Variants in MLXIP observed in about 807,000 individuals in gnomAD.
The protein encoded by MLXIP is MLX-interacting protein.
A neutral mutation model predicts 87.2 loss-of-function variants in MLXIP; 30 were observed. That is an observed-to-expected ratio of 0.34 (90% confidence interval 0.26 to 0.47). MLXIP has a LOEUF of 0.47. MLXIP is among the 20% of genes least tolerant of loss of function. MLXIP has a pLI of 1.00. For synonymous variants in MLXIP, 530 were observed against 514.0 expected (o/e 1.03, Z -0.42); for missense variants, 1,002 against 1,240.1 (o/e 0.81, Z 2.88).
intron 1 of MLXIP, among the ~76,000 whole-genome samples, chr12:122,106,667 T>C (rs1468326769): frequency 7.0e-6 from 1 of 143,622 alleles, no homozygotes; most frequent in East Asian, 2.1e-4. Flanking sequence ...AGTGGCGCGA[T>C]CTCGGCTCAC....
chr12:122,136,829 C>A (rs1953102064), intron 11 of MLXIP: 1 of 152,168 alleles, frequency 6.6e-6, no homozygotes, highest in South Asian at 2.1e-4. Context: ...GAGTCAGGCC[C>A]CTCAAATAAT....
In MLXIP at chr12:122,133,308, AC is replaced by A. The variant is rs767394277; in HGVS notation, c.1093-36del. 7 of 1,521,812 alleles carry A rather than the reference AC, an allele frequency of 4.6e-6. No individual in the cohort carries two copies. Among genetic ancestry groups the A allele is most frequent in the Non-Finnish European group, 5.3e-6 (6 of 1,136,230 alleles). The allele number at this position is 1,521,812 out of a possible 1,614,324, so 94.3% of individuals were successfully genotyped here. ...TGCAGCGCTAGAAAGGAATTGTCTGACCCCAGCATTGCTTCCTGGCTCCTTT... is the reference window on the plus strand; with the variant it reads ...TGCAGCGCTAGAAAGGAATTGTCTGACCCAGCATTGCTTCCTGGCTCCTTT... On this transcript the variant is annotated intron_variant, in intron 8 of 16. Coordinates refer to ENST00000319080, the MANE Select transcript of MLXIP (RefSeq NM_014938.6). This position sits in a 1 kb window ranked among gnomAD's most constrained non-coding sequence, Gnocchi z 4.9.
At chr12:122,080,070 C>G (rs940028107) in intron 1 of MLXIP, among the ~76,000 whole-genome samples, 8 of 152,234 alleles carry the variant, frequency 5.3e-5, no homozygotes, top group African/African-American at 1.9e-4. Flanking sequence ...AGAGATTCCT[C>G]TTTTCCAAGT....
intron 1 of MLXIP, among the ~76,000 whole-genome samples, chr12:122,125,029 G>A (rs1004874399): frequency 2.6e-5 from 4 of 152,222 alleles, no homozygotes; most frequent in Non-Finnish European, 4.4e-5. Flanking sequence ...AGCTGGGTGT[G>A]GTGGCGCATG....
intron 1 of MLXIP, among the ~76,000 whole-genome samples, chr12:122,092,247 C>A (rs1200582951): frequency 6.6e-6 from 1 of 152,034 alleles, no homozygotes; most frequent in African/African-American, 2.4e-5. Flanking sequence ...ACAAGGCATG[C>A]AGCACCATGC....
chr12:122,095,599 C>T (rs1352714742), intron 1 of MLXIP, among the ~76,000 whole-genome samples: 1 of 151,886 alleles, frequency 6.6e-6, no homozygotes, highest in Non-Finnish European at 1.5e-5. Context: ...TTCAGGCCTC[C>T]TTCCAGATTT....
Position 122,118,573 on chromosome 12 carries a change from CG to C in MLXIP, c.414-8682del, listed in dbSNP as rs201446726. Among the ~76,000 whole-genome samples the C allele has an allele frequency of 3.9e-3, 600 of 152,268 alleles. 3 individuals carry two copies. The highest frequency in any genetic ancestry group is 4.1e-3 in the Non-Finnish European group (279 of 68,022). ...TAAACGGTAGCCATACCAGGCCGGG[CG>C]CAGTGGCTCACGCCTATAATCCCAG... On this transcript the variant is annotated intron_variant, in intron 1 of 16. Transcript: ENST00000319080.
chr12:122,141,589 C>G (rs2135996914), intron 16 of MLXIP, 102 bp from the exon 17 acceptor site: 1 of 1,529,854 alleles, frequency 6.5e-7, no homozygotes, highest in African/African-American at 1.4e-5. Context: ...GCTGCTCGCC[C>G]CGTGCCTGAG....
In MLXIP at chr12:122,138,586, C is replaced by G. The variant is rs760911436; in HGVS notation, c.2384+35C>G. 6 of 1,590,402 alleles carry G rather than the reference C, an allele frequency of 3.8e-6. No individual in the cohort carries two copies. In the South Asian group the frequency reaches 5.7e-5, roughly 15 times the overall value. On this transcript the variant is annotated intron_variant, in intron 14 of 16. Coordinates refer to ENST00000319080, the MANE Select transcript of MLXIP (RefSeq NM_014938.6). ...TGGGCCTTGGGGCTCCAACCAGGCA[C>G]CCCATCCCGATGCAGGGCCTGCCTC...
intron 16 of MLXIP, 53 bp downstream of exon 16, chr12:122,141,136 A>G: frequency 6.4e-7 from 1 of 1,562,348 alleles, no homozygotes; most frequent in Non-Finnish European, 8.6e-7. Flanking sequence ...TGGAGGGAGG[A>G]CAGCCCCAGG....
chr12:122,106,012 A>G (rs1471976515), intron 1 of MLXIP, among the ~76,000 whole-genome samples: 1 of 152,164 alleles, frequency 6.6e-6, no homozygotes, highest in Non-Finnish European at 1.5e-5. Flanking sequence ...TTCTTTTTCA[A>G]GGATTTGCCT....
At chr12:122,120,530 T>C (rs1952761624) in intron 1 of MLXIP, among the ~76,000 whole-genome samples, 1 of 152,218 alleles carries the variant, frequency 6.6e-6, no homozygotes, top group South Asian at 2.1e-4. Context: ...TGGTGCTGGT[T>C]ATAAAACATT....
At chr12:122,129,067 C>T in intron 3 of MLXIP, 70 bp from the exon 4 acceptor site, 1 of 1,285,990 alleles carries the variant, frequency 7.8e-7, no homozygotes, top group Non-Finnish European at 1.1e-6. Flanking sequence ...GCCGGATACT[C>T]AGTACACCAG....
chr12:122,087,095 C>T (rs543387083), intron 1 of MLXIP, among the ~76,000 whole-genome samples: 197 of 152,262 alleles, frequency 1.3e-3, no homozygotes, highest in African/African-American at 4.5e-3. Context: ...TTGAATTAGC[C>T]CCATGAGGGC....
chr12:122,138,311 C>T lies in MLXIP; in HGVS notation c.2256+16C>T, dbSNP rs941481597. The stretch of plus-strand genomic sequence containing the variant: ...TTCCAAGCTGGTGAGTTGCCAAGAG[C>T]GTGGGCTGTGGCAGGGCAGGGGAGC... On this transcript the variant is annotated intron_variant, in intron 13 of 16. Coordinates refer to ENST00000319080, the MANE Select transcript of MLXIP (RefSeq NM_014938.6). The T allele has an allele frequency of 1.2e-6, 2 of 1,613,458 alleles. No individual in the cohort carries two copies. The highest frequency in any genetic ancestry group is 1.3e-5 in the African/African-American group (1 of 74,938).
chr12:122,138,509 G>C lies in MLXIP; in HGVS notation c.2342G>C (p.Arg781Pro). The C allele has an allele frequency of 1.2e-6, 2 of 1,613,750 alleles. No individual in the cohort carries two copies. Among genetic ancestry groups the C allele is most frequent in the Non-Finnish European group, 1.7e-6 (2 of 1,179,840 alleles). The change falls in exon 14 of 17, where the codon CGG becomes CCG. Residue 781 changes from arginine (R) to proline (P), a missense_variant. Coordinates refer to ENST00000319080, the MANE Select transcript of MLXIP (RefSeq NM_014938.6). ...AGAGGCCAGATGCAGGAGGAGGCCC[G>C]GCGGCTGCGGGAGGAGATCGAGGAG... ...QERGQMQEEA[R>P]RLREEIEELN...
Position 122,127,864 on chromosome 12 carries a change from T to C in MLXIP, c.521-19T>C, listed in dbSNP as rs1952905808. 3 of 1,610,638 alleles carry C rather than the reference T, an allele frequency of 1.9e-6. No individual in the cohort carries two copies. The highest frequency in any genetic ancestry group is 2.5e-6 in the Non-Finnish European group (3 of 1,177,042). Reference sequence around the variant, plus strand: ...GGGGTCTGGATCATGGTGCTGACTCTCACCCTCTCTCTGCTCAGATCTGGA... The same window carrying C: ...GGGGTCTGGATCATGGTGCTGACTCCCACCCTCTCTCTGCTCAGATCTGGA... On this transcript the variant is annotated intron_variant, in intron 2 of 16. Coordinates refer to ENST00000319080, the MANE Select transcript of MLXIP (RefSeq NM_014938.6).
rs748903264 is a variant in MLXIP, at chr12:122,133,474, G to A, written c.1219G>A (p.Asp407Asn). ...QGCEHTSRTE[D>N]PFIQPTDFGP... ...CTGTGAACACACCTCCCGGACTGAG[G>A]ACCCGTTTATCCAGCCCACGGACTT... The change falls in exon 9 of 17, where the codon GAC (aspartate) becomes AAC (asparagine). Residue 407 changes from aspartate (D) to asparagine (N), a missense_variant. Coordinates refer to ENST00000319080, the MANE Select transcript of MLXIP (RefSeq NM_014938.6). The surrounding 1 kb of genome is among the most constrained non-coding windows in gnomAD (Gnocchi z 4.9). 1.9e-6 allele frequency: 3 copies of A among 1,613,076 alleles called. No homozygotes were observed. Among genetic ancestry groups the A allele is most frequent in the Non-Finnish European group, 2.5e-6 (3 of 1,179,806 alleles).
intron 1 of MLXIP, among the ~76,000 whole-genome samples, chr12:122,119,385 T>TTTTTG (rs888485777): frequency 3.3e-5 from 5 of 149,956 alleles, no homozygotes; most frequent in Admixed American, 2.7e-4. Context: ...TATGCCAGTT[T>TTTTTG]TTTTGTTTTG....
Sources: allele counts gnomAD v4.1 joint callset (sites outside exome capture counted in the v4.1 genomes callset), GRCh38; gene constraint gnomAD v4.1.1; non-coding constraint Gnocchi (gnomAD v3.1); transcripts MANE v1.5; gene names NCBI Gene and HGNC (gene_info 2026-07-23, HGNC 2026-07-21).